Variants in DEF8 observed in about 807,000 individuals in gnomAD.
DEF8 encodes the protein differentially expressed in FDCP 8 homolog.
A neutral mutation model predicts 59.1 loss-of-function variants in DEF8; 38 were observed. That is an observed-to-expected ratio of 0.64 (90% CI 0.50 to 0.84). The LOEUF is 0.84. Among genes scored for constraint, DEF8 ranks in the 40% least tolerant of loss-of-function variants. DEF8 has a pLI of 0.00. For missense variants in DEF8, 557 were observed against 615.2 expected (o/e 0.91, Z 1.00); for synonymous variants, 265 against 250.1 (o/e 1.06, Z -0.56).
chr16:89,963,434 G>C lies in DEF8; in HGVS notation c.993G>C (p.Leu331=), dbSNP rs201567148. The stretch of plus-strand genomic sequence containing the variant: ...GCAGGGAGGCCATGGAGGCTCGTCT[G>C]CTGCTGCAGGTCAGACTGCCAGCAG... The part of the protein sequence containing the change: ...ITCREAMEAR[L]LLQLQDRQHF... Residue 331 remains leucine (L), a synonymous_variant, in exon 10 of 13, where the codon CTG becomes CTC. Transcript: ENST00000563594. 2.5e-6 allele frequency: 4 copies of C among 1,613,224 alleles called. No homozygotes were observed. In the Admixed American group the frequency reaches 5.0e-5, roughly 20 times the overall value.
chr16:89,964,074 G>T (rs775298800), intron 10 of DEF8, 96 bp from the exon 11 acceptor site: 2 of 1,526,382 alleles, frequency 1.3e-6, no homozygotes, highest in Non-Finnish European at 1.8e-6. Flanking sequence ...TCGTTTCTCT[G>T]TGAGCACCTG....
rs781527487 is a variant in DEF8 at position 89,963,454 on chromosome 16, CA to C, written c.1002+12del. ...CGTCTGCTGCTGCAGGTCAGACTGC[CA>C]GCAGGACTGGCCCCCGATGGGAAGC... is the stretch of plus-strand genomic sequence containing the variant. On this transcript the variant is annotated intron_variant, in intron 10 of 12. Coordinates refer to ENST00000563594, the MANE Select transcript of DEF8 (RefSeq NM_001242818.2). 27 of 1,611,266 alleles carry C rather than the reference CA, an allele frequency of 1.7e-5. No individual in the cohort carries two copies. The highest frequency in any genetic ancestry group is 2.2e-5 in the Non-Finnish European group (26 of 1,178,492).
chr16:89,954,417 TCTGA>T lies in DEF8; in HGVS notation c.124+45_124+48del. The T allele has an allele frequency of 6.3e-7, 1 of 1,597,980 alleles. No individual in the cohort carries two copies. Among genetic ancestry groups the T allele is most frequent in the Non-Finnish European group, 8.5e-7 (1 of 1,171,604 alleles). On this transcript the variant is annotated intron_variant, in intron 3 of 12. Coordinates refer to ENST00000563594, the MANE Select transcript of DEF8 (RefSeq NM_001242818.2). This position sits in a 1 kb window ranked among gnomAD's most constrained non-coding sequence, Gnocchi z 4.3. The stretch of plus-strand genomic sequence containing the variant: ...AGTCAGGGTGGGAGCTGGGCAGGTC[TCTGA>T]CTGCTTACGTGGACCCCTCCTTTCT...
chr16:89,952,165 C>A (rs984730694), intron 2 of DEF8, among the ~76,000 whole-genome samples: 1 of 152,240 alleles, frequency 6.6e-6, no homozygotes, highest in African/African-American at 2.4e-5. Context: ...GCGTGAGCCA[C>A]GGCGCCCAGC....
Position 89,963,463 on chromosome 16 carries a change from T to C in DEF8, c.1002+20T>C, listed in dbSNP as rs867960610. 1.8e-5 allele frequency: 29 copies of C among 1,605,174 alleles called. 1 individual carries two copies. In the Middle Eastern group the frequency reaches 3.5e-3, roughly 195 times the overall value. ...CTGCAGGTCAGACTGCCAGCAGGAC[T>C]GGCCCCCGATGGGAAGCGCAGCCAG... On this transcript the variant is annotated intron_variant, in intron 10 of 12. Coordinates refer to ENST00000563594, the MANE Select transcript of DEF8 (RefSeq NM_001242818.2).
chr16:89,966,976 A>C lies in DEF8; in HGVS notation c.*1013A>C. 1 of 280,222 alleles carries C rather than the reference A, an allele frequency of 3.6e-6. No homozygotes were observed. Among genetic ancestry groups the C allele is most frequent in the Non-Finnish European group, 6.6e-6 (1 of 150,764 alleles). The allele number at this position is 280,222 out of a possible 1,614,324, so 17.4% of individuals were successfully genotyped here. On this transcript the variant is annotated 3_prime_UTR_variant, in exon 13 of 13. Transcript: ENST00000563594. The stretch of plus-strand genomic sequence containing the variant: ...TTCGCTCGACTGAGCACATTCAGGA[A>C]GATCAGGGCAGGCGTGTGGGAGGTC...
At chr16:89,961,121 G>C in intron 7 of DEF8, 26 bp downstream of exon 7, 4 of 1,600,336 alleles carry the variant, frequency 2.5e-6, no homozygotes, top group Non-Finnish European at 3.4e-6. Context: ...GAGAGAAGAG[G>C]GTGAGGGAGC....
chr16:89,953,861 CTGAG>C (rs1266588091), intron 2 of DEF8, among the ~76,000 whole-genome samples: 1 of 152,150 alleles, frequency 6.6e-6, no homozygotes, highest in Non-Finnish European at 1.5e-5. Context: ...TAGAGCGGGG[CTGAG>C]TGAGTATCTG....
rs945185139 is a variant in DEF8, at chr16:89,961,084, C to T, written c.668C>T (p.Pro223Leu). 8.1e-6 allele frequency: 13 copies of T among 1,611,698 alleles called. No individual in the cohort carries two copies. The Admixed American group carries it at 1.0e-4, about 12-fold the overall frequency. ...TACCGCTGTGCCGAGTGCCGGGCGC[C>T]CATCTCTCTGCGTGAGTGGTGGCAG... ...QDYRCAECRA[P>L]ISLRGVPSEA... is the part of the protein sequence containing the mutation. The change falls in exon 7 of 13, where the codon CCC becomes CTC. Residue 223 changes from proline (P) to leucine (L), a missense_variant. Pro to Leu is a moderately conservative substitution (Grantham distance 98, BLOSUM62 -3). Transcript: ENST00000563594.
chr16:89,954,210 T>G lies in DEF8; in HGVS notation c.-10-33T>G. The G allele has an allele frequency of 2.5e-6, 4 of 1,605,388 alleles. No individual in the cohort carries two copies. Among genetic ancestry groups the G allele is most frequent in the Non-Finnish European group, 3.4e-6 (4 of 1,176,416 alleles). On this transcript the variant is annotated intron_variant, in intron 2 of 12. Transcript: ENST00000563594. This position sits in a 1 kb window ranked among gnomAD's most constrained non-coding sequence, Gnocchi z 4.3. Reference sequence around the variant, plus strand: ...GGTGGTCCGTGGTGAGCCTGGTACCTGGGGACTCATCCTGGCCCTGCCTGG... The same window carrying G: ...GGTGGTCCGTGGTGAGCCTGGTACCGGGGGACTCATCCTGGCCCTGCCTGG...
At chr16:89,961,936 G>A (rs1024740267) in intron 8 of DEF8, 72 bp downstream of exon 8, 10 of 1,603,910 alleles carry the variant, frequency 6.2e-6, no homozygotes, top group Non-Finnish European at 6.8e-6. Flanking sequence ...TGGAGCCGGT[G>A]TACCCCTGGT....
chr16:89,951,332 C>T (rs1246304667), intron 2 of DEF8, among the ~76,000 whole-genome samples: 2 of 152,106 alleles, frequency 1.3e-5, no homozygotes, highest in Admixed American at 1.3e-4. Context: ...TCTCGGCTCA[C>T]CTCCTGGGTT....
At chr16:89,958,899 T>G in intron 5 of DEF8, 115 bp from the exon 6 acceptor site, 1 of 1,523,048 alleles carries the variant, frequency 6.6e-7, no homozygotes. Flanking sequence ...GTGCTGAAAC[T>G]CACAATCTCT....
chr16:89,958,501 A>C, intron 5 of DEF8: 1 of 165,912 alleles, frequency 6.0e-6, no homozygotes, highest in South Asian at 1.4e-4. Flanking sequence ...TATCCCTGGG[A>C]ATGTAGAAAG....
Position 89,959,042 on chromosome 16 carries a change from G to T in DEF8, c.401G>T (p.Arg134Leu). 1 of 1,613,086 alleles carries T rather than the reference G, an allele frequency of 6.2e-7. No homozygotes were observed. The change falls in exon 6 of 13, where the codon CGA becomes CTA. Residue 134 changes from arginine to leucine, a missense_variant. Coordinates refer to ENST00000563594, the MANE Select transcript of DEF8 (RefSeq NM_001242818.2). ...CCCAATGAGGATGAGCCAAACATCC[G>T]AGTGCTCCTTGAGCACCGCTTTTAC... ...KDPNEDEPNI[R>L]VLLEHRFYKE...
At chr16:89,950,183 C>A in intron 2 of DEF8, 2 of 986,388 alleles carry the variant, frequency 2.0e-6, no homozygotes, top group Non-Finnish European at 2.4e-6. Flanking sequence ...AGGTTTCCAG[C>A]GGCTTCCCCA....
intron 9 of DEF8, among the ~76,000 whole-genome samples, chr16:89,962,651 T>C (rs903384700): frequency 6.6e-6 from 1 of 152,206 alleles, no homozygotes; most frequent in African/African-American, 2.4e-5. Flanking sequence ...AGCGAAACTC[T>C]GTCTCAAAAA....
chr16:89,958,698 C>T (rs1330569721), intron 5 of DEF8, among the ~76,000 whole-genome samples: 2 of 152,174 alleles, frequency 1.3e-5, no homozygotes, highest in Non-Finnish European at 2.9e-5. Flanking sequence ...CGGCAAAAAG[C>T]AGGAGGGGCA....
At chr16:89,949,596 C>A (rs756926433) in intron 2 of DEF8, 83 bp downstream of exon 2, 2 of 1,612,980 alleles carry the variant, frequency 1.2e-6, no homozygotes, top group East Asian at 2.2e-5. Flanking sequence ...GTGATGACAC[C>A]GCTTCCTGGT....
Sources: allele counts gnomAD v4.1 joint callset (sites outside exome capture counted in the v4.1 genomes callset), GRCh38; gene constraint gnomAD v4.1.1; non-coding constraint Gnocchi (gnomAD v3.1); transcripts MANE v1.5; gene names NCBI Gene and HGNC (gene_info 2026-07-23, HGNC 2026-07-21).